The following CSMD1 variants were observed in gnomAD, a reference collection of about 807,000 sequenced individuals.
The protein encoded by CSMD1 is CUB and Sushi multiple domains 1, also known as CUB and sushi domain-containing protein 1.
A neutral mutation model predicts 417.5 loss-of-function variants in CSMD1; 213 were observed. The observed-to-expected ratio is 0.51, with a 90% CI of 0.46 to 0.57. CSMD1 has a LOEUF of 0.57. Ranked by LOEUF, CSMD1 falls within the 20% of genes least tolerant of loss-of-function variation. The pLI is 0.00. For missense variants in CSMD1, 6,923 were observed against 4,529.7 expected (o/e 1.53, Z -15.17); for synonymous variants, 2,862 against 1,736.8 (o/e 1.65, Z -16.11).
At chr8:4,062,102 G>C (rs1469635848) in intron 3 of CSMD1, among the ~76,000 whole-genome samples, 3 of 152,072 alleles carry the variant, frequency 2.0e-5, no homozygotes, top group Non-Finnish European at 2.9e-5. Context: ...GCATCACAGA[G>C]AATGCATGGA....
intron 1 of CSMD1, among the ~76,000 whole-genome samples, chr8:4,950,619 T>G (rs1585392911): frequency 6.6e-6 from 1 of 152,354 alleles, no homozygotes; most frequent in Non-Finnish European, 1.5e-5. Flanking sequence ...GCAAAGTTAC[T>G]TTTGTGGTAA....
chr8:3,414,999 T>C (rs865907266), intron 12 of CSMD1, among the ~76,000 whole-genome samples: 5 of 152,210 alleles, frequency 3.3e-5, no homozygotes, highest in South Asian at 4.1e-4. Flanking sequence ...GGGTCTATCT[T>C]GGTGATTGTT....
At chr8:3,666,148 G>C (rs1042172641) in intron 7 of CSMD1, among the ~76,000 whole-genome samples, 2 of 152,106 alleles carry the variant, frequency 1.3e-5, no homozygotes, top group Admixed American at 6.5e-5. Context: ...TACATGCCCT[G>C]GCCTCCCCAA....
intron 3 of CSMD1, among the ~76,000 whole-genome samples, chr8:4,081,566 T>G (rs952311674): frequency 6.6e-6 from 1 of 152,136 alleles, no homozygotes; most frequent in Admixed American, 6.5e-5. Flanking sequence ...CATGTTGACC[T>G]AGTTGACCCA....
chr8:4,955,186 C>G (rs183394573), intron 1 of CSMD1, among the ~76,000 whole-genome samples: 34 of 152,188 alleles, frequency 2.2e-4, no homozygotes, highest in Admixed American at 7.2e-4. Flanking sequence ...CGGGGCTGTT[C>G]CCGTTGGCTT....
At chr8:3,515,530 C>G (rs1057040550) in intron 10 of CSMD1, among the ~76,000 whole-genome samples, 2 of 152,132 alleles carry the variant, frequency 1.3e-5, no homozygotes, top group East Asian at 1.9e-4. Flanking sequence ...GGCAACTGTT[C>G]AGGAGAATGA....
chr8:4,727,965 C>CAA lies in CSMD1; in HGVS notation c.86-90409_86-90408dup, dbSNP rs68115919. Among the ~76,000 whole-genome samples, 136 of 21,806 alleles carry CAA rather than the reference C, an allele frequency of 6.2e-3. No homozygotes were observed. In the East Asian group the frequency reaches 0.23, roughly 37 times the overall value. 14.3% of individuals were successfully genotyped at this position (21,806 alleles called of 152,430 possible). A position where few individuals can be genotyped will look rare whatever the true frequency, so the allele number is the denominator to read the frequency against. ...CAAAATATATATATGTATATATATA[C>CAA]AAAATATATATGTATATATATACAA... On this transcript the variant is annotated intron_variant, in intron 1 of 69. Transcript: ENST00000635120.
chr8:3,894,528 C>T (rs905448952), intron 5 of CSMD1, among the ~76,000 whole-genome samples: 3 of 152,022 alleles, frequency 2.0e-5, no homozygotes, highest in Non-Finnish European at 2.9e-5. Context: ...AAAAATAATC[C>T]TATGATAGAT....
intron 4 of CSMD1, among the ~76,000 whole-genome samples, chr8:4,019,025 C>G (rs921217534): frequency 1.3e-5 from 2 of 152,208 alleles, no homozygotes; most frequent in African/African-American, 2.4e-5. Context: ...ATTACAGTGA[C>G]TAAGATGAAA....
At chr8:4,089,001 C>A (rs1252486190) in intron 3 of CSMD1, among the ~76,000 whole-genome samples, 1 of 152,190 alleles carries the variant, frequency 6.6e-6, no homozygotes, top group Non-Finnish European at 1.5e-5. Flanking sequence ...GCATACAGAT[C>A]CCCTTGCTGA....
At chr8:4,001,068 C>A (rs200668692) in intron 4 of CSMD1, among the ~76,000 whole-genome samples, 10 of 139,754 alleles carry the variant, frequency 7.2e-5, no homozygotes, top group African/African-American at 2.1e-4. Flanking sequence ...AAAAAAAAAA[C>A]TGACATCAAA....
chr8:3,694,822 G>A (rs576207052), intron 7 of CSMD1, among the ~76,000 whole-genome samples: 3 of 152,058 alleles, frequency 2.0e-5, no homozygotes, highest in South Asian at 2.1e-4. Context: ...GGGGAACGCG[G>A]CAAGGAATGA....
intron 1 of CSMD1, among the ~76,000 whole-genome samples, chr8:4,861,603 G>A (rs889307543): frequency 9.9e-5 from 15 of 152,132 alleles, no homozygotes; most frequent in Non-Finnish European, 2.1e-4. Context: ...TCTTTGAACA[G>A]AGGCTGTGGA....
intron 10 of CSMD1, among the ~76,000 whole-genome samples, chr8:3,500,509 G>C (rs957763873): frequency 3.3e-5 from 5 of 152,208 alleles, no homozygotes; most frequent in Non-Finnish European, 5.9e-5. Context: ...CACGTGAAAA[G>C]AAGAGGAATG....
chr8:4,778,571 A>G (rs17071304), intron 1 of CSMD1, among the ~76,000 whole-genome samples: 39,030 of 152,146 alleles, frequency 0.26, 5,087 homozygotes, highest in East Asian at 0.35. Flanking sequence ...TAGGAAGATC[A>G]ACCTGGAAAT....
At chr8:4,409,574 C>G (rs1796530552) in intron 3 of CSMD1, among the ~76,000 whole-genome samples, 1 of 151,822 alleles carries the variant, frequency 6.6e-6, no homozygotes, top group African/African-American at 2.4e-5. Flanking sequence ...AACACTTCAG[C>G]AGGGATGAAT....
At chr8:3,761,977 C>G (rs55997704) in intron 5 of CSMD1, among the ~76,000 whole-genome samples, 1 of 152,154 alleles carries the variant, frequency 6.6e-6, no homozygotes, top group African/African-American at 2.4e-5. Context: ...ATAAGCATCC[C>G]TCTTGGTGAC....
intron 36 of CSMD1, among the ~76,000 whole-genome samples, chr8:3,181,746 G>A (rs1253664360): frequency 6.6e-6 from 1 of 152,116 alleles, no homozygotes; most frequent in Non-Finnish European, 1.5e-5. Flanking sequence ...TGCATGAAAA[G>A]GAATATATAG....
At chr8:4,041,075 G>GA (rs1797866142) in intron 3 of CSMD1, among the ~76,000 whole-genome samples, 2 of 139,142 alleles carry the variant, frequency 1.4e-5, no homozygotes, top group African/African-American at 5.6e-5. Flanking sequence ...GGAGTGCAGT[G>GA]GCGCGATCTC....
Sources: allele counts gnomAD v4.1 joint callset (sites outside exome capture counted in the v4.1 genomes callset), GRCh38; gene constraint gnomAD v4.1.1; transcripts MANE v1.5; gene names NCBI Gene and HGNC (gene_info 2026-07-23, HGNC 2026-07-21).